CUL2: variants seen among roughly 807,000 people sequenced by gnomAD.
CUL2 encodes cullin-2.
In CUL2, 22 loss-of-function variants were observed where a neutral mutation model predicts 110.2. The observed-to-expected ratio is 0.20, with a 90% CI of 0.14 to 0.28. The LOEUF (loss-of-function observed/expected upper bound fraction) is 0.28, where lower values mean the gene tolerates loss of function less well. Among genes scored for constraint, CUL2 ranks in the 10% least tolerant of loss-of-function variants. The probability of loss-of-function intolerance (pLI) is 1.00; values close to 1 mark genes in which losing one functional copy is unlikely to be tolerated. For synonymous variants in CUL2, 279 were observed against 293.2 expected, an observed-to-expected ratio of 0.95 and a Z score of 0.49; for missense variants, 631 against 905.5, an observed-to-expected ratio of 0.70 and a Z score of 3.89.
intron 1 of CUL2, chr10:35,120,384 A>C (rs570706153): frequency 2.6e-5 from 4 of 152,278 alleles, no homozygotes; most frequent in Non-Finnish European, 5.9e-5. Context: ...TCAATAAATA[A>C]ATAACATAAA....
At chr10:35,082,406 G>A (rs1389888671) in intron 1 of CUL2, among the ~76,000 whole-genome samples, 1 of 152,146 alleles carries the variant, frequency 6.6e-6, no homozygotes, top group Non-Finnish European at 1.5e-5. Flanking sequence ...AAGGGGAAAT[G>A]GGGAGCTACT....
At chr10:35,098,701 C>T (rs1181183830) in intron 2 of CUL2, among the ~76,000 whole-genome samples, 8 of 151,462 alleles carry the variant, frequency 5.3e-5, no homozygotes, top group Non-Finnish European at 1.0e-4. Context: ...GAAGCCAACA[C>T]GGGTGGATCA....
At chr10:35,058,818 C>T (rs933837437) in intron 4 of CUL2, among the ~76,000 whole-genome samples, 1 of 152,168 alleles carries the variant, frequency 6.6e-6, no homozygotes, top group Non-Finnish European at 1.5e-5. Flanking sequence ...GCCACAGATG[C>T]ATCTGTGCCT....
At chr10:35,102,431 G>A (rs1333863287) in intron 1 of CUL2, among the ~76,000 whole-genome samples, 1 of 151,244 alleles carries the variant, frequency 6.6e-6, no homozygotes, top group African/African-American at 2.4e-5. Flanking sequence ...AATTAGCCAG[G>A]CATGGTAGCA....
At chr10:35,099,095 C>T (rs1467470828) in intron 2 of CUL2, among the ~76,000 whole-genome samples, 2 of 151,766 alleles carry the variant, frequency 1.3e-5, no homozygotes, top group Non-Finnish European at 2.9e-5. Flanking sequence ...GGTGGTTGAT[C>T]AATAATATTA....
At chr10:35,080,849 A>T (rs2086930239) in intron 1 of CUL2, among the ~76,000 whole-genome samples, 1 of 152,176 alleles carries the variant, frequency 6.6e-6, no homozygotes, top group Admixed American at 6.5e-5. Context: ...ACTGCAGGAA[A>T]ACATCTTGAA....
intron 16 of CUL2, among the ~76,000 whole-genome samples, chr10:35,025,887 A>C (rs2085325723): frequency 6.6e-6 from 1 of 152,180 alleles, no homozygotes; most frequent in South Asian, 2.1e-4. Context: ...AATAAACTGC[A>C]TTATGCCAGT....
upstream of CUL2, chr10:35,126,868 C>G (rs2135177601): frequency 6.6e-6 from 1 of 152,456 alleles, no homozygotes; most frequent in South Asian, 2.1e-4. Flanking sequence ...TGGCGCTTCA[C>G]TCCTGCTGGC....
upstream of CUL2, among the ~76,000 whole-genome samples, chr10:35,094,502 T>C (rs1589058464): frequency 6.6e-6 from 1 of 152,212 alleles, no homozygotes; most frequent in African/African-American, 2.4e-5. Context: ...CCCAAAGTGC[T>C]GGGATTACAG....
chr10:35,064,564 C>G (rs1167838864), intron 2 of CUL2, among the ~76,000 whole-genome samples: 3 of 152,194 alleles, frequency 2.0e-5, no homozygotes, highest in African/African-American at 4.8e-5. Flanking sequence ...AAAGGAGATG[C>G]AAAATCAATC....
chr10:35,061,876 G>T (rs1319726830), intron 3 of CUL2, among the ~76,000 whole-genome samples: 2 of 150,238 alleles, frequency 1.3e-5, no homozygotes, highest in Non-Finnish European at 2.9e-5. Flanking sequence ...CCAAAGTACA[G>T]AGATTACAGG....
chr10:35,053,178 G>A (rs1161611410), intron 5 of CUL2, among the ~76,000 whole-genome samples: 1 of 152,152 alleles, frequency 6.6e-6, no homozygotes, highest in African/African-American at 2.4e-5. Flanking sequence ...TGTTTACAGT[G>A]ATTTTCTGGG....
intron 2 of CUL2, 100 bp downstream of exon 2, chr10:35,071,099 A>G (rs2086665140): frequency 4.4e-6 from 5 of 1,145,184 alleles, no homozygotes; most frequent in Non-Finnish European, 5.0e-6. Flanking sequence ...ATTAGAAAAT[A>G]GTTACATGGG....
At chr10:35,118,879 A>G in intron 1 of CUL2, 1 of 152,400 alleles carries the variant, frequency 6.6e-6, no homozygotes, top group Non-Finnish European at 1.5e-5. Flanking sequence ...TTCCCATTTC[A>G]GGCATGTCCA....
intron 10 of CUL2, among the ~76,000 whole-genome samples, chr10:35,034,079 A>T (rs1252978922): frequency 1.3e-5 from 2 of 152,154 alleles, no homozygotes; most frequent in African/African-American, 4.8e-5. Flanking sequence ...AATAGTACAA[A>T]AGTGAGTTTT....
intron 17 of CUL2, among the ~76,000 whole-genome samples, chr10:35,019,831 C>G (rs1350280672): frequency 1.3e-5 from 2 of 152,110 alleles, no homozygotes; most frequent in African/African-American, 4.8e-5. Flanking sequence ...CTGATTCTGG[C>G]AAGGATCATC....
intron 16 of CUL2, among the ~76,000 whole-genome samples, chr10:35,028,131 C>T (rs2085379983): frequency 6.6e-6 from 1 of 152,150 alleles, no homozygotes; most frequent in Admixed American, 6.5e-5. Context: ...TTTGTAATAA[C>T]CTTGGATTAT....
At chr10:35,077,565 C>T (rs1460632236) in intron 1 of CUL2, among the ~76,000 whole-genome samples, 1 of 151,680 alleles carries the variant, frequency 6.6e-6, no homozygotes, top group Non-Finnish European at 1.5e-5. Context: ...CACCTGTAAT[C>T]CCAGCACTTT....
intron 1 of CUL2, among the ~76,000 whole-genome samples, chr10:35,086,295 G>A (rs1015255677): frequency 1.3e-5 from 2 of 152,024 alleles, no homozygotes; most frequent in East Asian, 3.9e-4. Context: ...CCAGGAGTTC[G>A]AGACCAGCCT....
Sources: gnomAD v4.1 joint callset for allele counts (sites outside exome capture counted in the v4.1 genomes callset) on GRCh38, gnomAD v4.1.1 for gene constraint, MANE v1.5 for transcripts, NCBI Gene and HGNC (gene_info 2026-07-23, HGNC 2026-07-21) for gene names.